The following TRIP12 variants were observed in gnomAD, a reference collection of about 807,000 sequenced individuals.
The protein encoded by TRIP12 is thyroid hormone receptor interactor 12.
A neutral mutation model predicts 244.2 loss-of-function variants in TRIP12; 25 were observed. The ratio of observed to expected loss-of-function variants is 0.10; its 90% CI spans 0.07 to 0.14. The LOEUF is 0.14. Ranked by LOEUF, TRIP12 falls within the 10% of genes least tolerant of loss-of-function variation. The pLI, the probability that TRIP12 is intolerant of heterozygous loss-of-function variation, is 1.00. For synonymous variants in TRIP12, 905 were observed against 873.1 expected (o/e 1.04, Z -0.64); for missense variants, 1,677 against 2,486.4 (o/e 0.67, Z 6.92).
chr2:229,875,487 C>T (rs1320703374), intron 2 of TRIP12, among the ~76,000 whole-genome samples: 1 of 152,168 alleles, frequency 6.6e-6, no homozygotes. Flanking sequence ...TCTTCTAACA[C>T]TCCCTCATCA....
chr2:229,826,775 T>C (rs2051742577), intron 8 of TRIP12, among the ~76,000 whole-genome samples: 1 of 152,076 alleles, frequency 6.6e-6, no homozygotes, highest in Non-Finnish European at 1.5e-5. Context: ...TATCTACAAA[T>C]AGAAGAAGTA....
chr2:229,892,293 A>G (rs536248756), intron 1 of TRIP12, among the ~76,000 whole-genome samples: 6 of 152,220 alleles, frequency 3.9e-5, no homozygotes, highest in African/African-American at 1.4e-4. Context: ...GACTCAAAGC[A>G]TAAGAAAGAA....
At chr2:229,916,037 G>C (rs1225475069) in intron 1 of TRIP12, among the ~76,000 whole-genome samples, 1 of 152,106 alleles carries the variant, frequency 6.6e-6, no homozygotes, top group African/African-American at 2.4e-5. Context: ...GTATGTTCGA[G>C]TTAAAAGAGT....
intron 2 of TRIP12, among the ~76,000 whole-genome samples, chr2:229,868,619 A>C (rs1015167245): frequency 4.6e-5 from 7 of 152,332 alleles, no homozygotes; most frequent in African/African-American, 1.7e-4. Flanking sequence ...AACAAGAAGC[A>C]GTTTGAACTT....
intron 34 of TRIP12, among the ~76,000 whole-genome samples, chr2:229,779,269 T>C (rs2037295069): frequency 2.0e-5 from 3 of 152,208 alleles, no homozygotes; most frequent in African/African-American, 7.2e-5. Context: ...ATATCTTTCC[T>C]TCAGGAACAA....
At position 229,921,921 on chromosome 2, in the gene TRIP12, G is replaced by C. The variant is rs58826872; in HGVS notation, c.-91C>G. The C allele has an allele frequency of 0.15, 21,780 of 149,502 alleles. 1,688 individuals are homozygous for C. The highest frequency in any genetic ancestry group is 0.2 in the Admixed American group (2,938 of 14,924). The allele number at this position is 149,502 out of a possible 1,614,324, so 9.3% of individuals were successfully genotyped here. On this transcript the variant is annotated 5_prime_UTR_variant, in exon 1 of 42. Coordinates refer to ENST00000675903, the MANE Select transcript of TRIP12 (RefSeq NM_001348323.3). ...GTCTCCGGTCCGGACTCGGTGGCGC[G>C]GCAGTAACTTCCACTAGCTCCCCCC...
At chr2:229,851,758 C>T (rs971078171) in intron 4 of TRIP12, among the ~76,000 whole-genome samples, 5 of 151,830 alleles carry the variant, frequency 3.3e-5, no homozygotes, top group African/African-American at 9.7e-5. Flanking sequence ...ACACTCACCG[C>T]GCAGCTTCAC....
intron 1 of TRIP12, among the ~76,000 whole-genome samples, chr2:229,893,955 C>T (rs574019205): frequency 1.2e-4 from 19 of 152,154 alleles, no homozygotes; most frequent in Non-Finnish European, 2.4e-4. Flanking sequence ...TCAAGCAATC[C>T]GCCCACCTCA....
In TRIP12 at chr2:229,836,836, G is replaced by C. The variant is rs757452292; in HGVS notation, c.1270+12C>G. On this transcript the variant is annotated intron_variant, in intron 6 of 41. Transcript: ENST00000675903. The stretch of plus-strand genomic sequence containing the variant: ...CAGAAACGCATTTTAAAGCTAAGAA[G>C]TACCAATCTACCTGCAGCTCCTTGG... The C allele has an allele frequency of 4.4e-6, 7 of 1,585,712 alleles. No homozygotes were observed. In the South Asian group the frequency reaches 8.1e-5, roughly 18 times the overall value.
chr2:229,900,722 C>G (rs2070472821), intron 1 of TRIP12: 1 of 151,798 alleles, frequency 6.6e-6, no homozygotes, highest in Admixed American at 6.6e-5. Flanking sequence ...ATTAGGTGGG[C>G]GTGGTGACAC....
At chr2:229,831,568 C>G (rs1482827093) in intron 6 of TRIP12, among the ~76,000 whole-genome samples, 1 of 152,168 alleles carries the variant, frequency 6.6e-6, no homozygotes, top group Non-Finnish European at 1.5e-5. Flanking sequence ...GAGGTAGAGG[C>G]TGCAGTGTGC....
chr2:229,802,587 T>A, intron 20 of TRIP12, 128 bp from the exon 21 acceptor site: 1 of 589,286 alleles, frequency 1.7e-6, no homozygotes, highest in Non-Finnish European at 2.7e-6. Flanking sequence ...AACTGGCAAA[T>A]AGGTAAAAGA....
chr2:229,799,337 G>A lies in TRIP12; in HGVS notation c.3253C>T (p.Pro1085Ser). Residue 1085 changes from proline to serine, a missense_variant, in exon 22 of 42, where the codon CCA becomes TCA. Physicochemically the swap from Pro to Ser is moderately conservative, Grantham distance 74. This residue lies in a region of TRIP12 where 572 missense variants were observed against 867.8 expected (regional missense o/e 0.66). Transcript: ENST00000675903. Reference protein sequence around the residue: ...LKRKRLPKRGPRRPKYSPPRD... With the variant: ...LKRKRLPKRGSRRPKYSPPRD... ...GGAGGTGAGTACTTTGGCCTTCTTG[G>A]CCCTCGTTTTGGCAGTCGTTTTCTC... 6.2e-7 allele frequency: 1 copy of A among 1,614,072 alleles called. No homozygotes were observed. The highest frequency in any genetic ancestry group is 8.5e-7 in the Non-Finnish European group (1 of 1,180,026).
intron 2 of TRIP12, among the ~76,000 whole-genome samples, chr2:229,874,052 A>G (rs2063168524): frequency 6.6e-6 from 1 of 151,984 alleles, no homozygotes; most frequent in Non-Finnish European, 1.5e-5. Context: ...TAAACCATAA[A>G]AAAAAAACAG....
chr2:229,884,038 G>A (rs1005051755), intron 1 of TRIP12, among the ~76,000 whole-genome samples: 1 of 151,426 alleles, frequency 6.6e-6, no homozygotes, highest in Non-Finnish European at 1.5e-5. Context: ...TTGAACTCAG[G>A]GGGCAGAGGT....
At chr2:229,785,621 G>A (rs1260599757) in intron 34 of TRIP12, 136 bp downstream of exon 34, 2 of 789,990 alleles carry the variant, frequency 2.5e-6, no homozygotes, top group South Asian at 2.2e-5. Flanking sequence ...GGAGAACTTA[G>A]AACAAATCAT....
At chr2:229,801,036 T>C in intron 21 of TRIP12, among the ~76,000 whole-genome samples, 1 of 152,228 alleles carries the variant, frequency 6.6e-6, no homozygotes, top group South Asian at 2.1e-4. Context: ...GCACCATGCC[T>C]ACATTACAGT....
intron 1 of TRIP12, among the ~76,000 whole-genome samples, chr2:229,895,203 T>G (rs1328098614): frequency 6.6e-6 from 1 of 152,096 alleles, no homozygotes; most frequent in Non-Finnish European, 1.5e-5. Flanking sequence ...CAAACAGAAT[T>G]TCTAACATGA....
intron 5 of TRIP12, among the ~76,000 whole-genome samples, chr2:229,839,485 G>A (rs988158724): frequency 3.9e-5 from 6 of 152,152 alleles, no homozygotes; most frequent in East Asian, 1.9e-4. Context: ...AGACCATCCC[G>A]GTTAACATGG....
Sources: allele counts gnomAD v4.1 joint callset (sites outside exome capture counted in the v4.1 genomes callset), GRCh38; gene constraint gnomAD v4.1.1; regional missense constraint gnomAD v4.1.1; transcripts MANE v1.5; gene names NCBI Gene and HGNC (gene_info 2026-07-23, HGNC 2026-07-21).